The following SREK1 variants were observed in gnomAD, a reference collection of about 807,000 sequenced individuals.
SREK1 encodes splicing regulatory glutamic acid and lysine rich protein 1.
A neutral mutation model predicts 66.5 loss-of-function variants in SREK1; 13 were observed. The observed-to-expected ratio is 0.20, with a 90% CI of 0.13 to 0.31. The LOEUF is 0.31. Among genes scored for constraint, SREK1 ranks in the 10% least tolerant of loss-of-function variants. The pLI, the probability that SREK1 is intolerant of heterozygous loss-of-function variation, is 1.00. For missense variants in SREK1, 607 were observed against 769.6 expected (o/e 0.79, Z 2.50); for synonymous variants, 265 against 263.5 (o/e 1.01, Z -0.05).
chr5:66,162,192 G>A lies in SREK1; in HGVS notation c.495G>A (p.Gln165=). 6.2e-7 allele frequency: 1 copy of A among 1,614,066 alleles called. No homozygotes were observed. The highest frequency in any genetic ancestry group is 8.5e-7 in the Non-Finnish European group (1 of 1,179,976). The change falls in exon 4 of 12, where the codon CAG becomes CAA. Residue 165 remains glutamine (Q), a synonymous_variant. Transcript: ENST00000334121. ...PNIATLGEIP[Q]PPLMGNVDPS... is the part of the protein sequence containing the mutation. ...TTGCAACACTTGGAGAGATACCACAGCCACCACTTATGGGAAACGTGGATC... is the reference window on the plus strand; with the variant it reads ...TTGCAACACTTGGAGAGATACCACAACCACCACTTATGGGAAACGTGGATC...
intron 5 of SREK1, 147 bp from the exon 6 acceptor site, chr5:66,163,645 T>G: frequency 4.3e-6 from 3 of 689,996 alleles, no homozygotes; most frequent in Non-Finnish European, 6.6e-6. Context: ...ATCATGGTTT[T>G]GAGGTTGCTT....
intron 5 of SREK1, 182 bp from the exon 6 acceptor site, chr5:66,163,610 G>T: frequency 2.0e-6 from 1 of 502,712 alleles, no homozygotes; most frequent in Admixed American, 3.9e-5. Context: ...CGCAAGGAAT[G>T]ATAGGAAGTG....
intron 7 of SREK1, chr5:66,166,063 T>A (rs770151900): frequency 2.6e-5 from 4 of 152,326 alleles, no homozygotes; most frequent in Non-Finnish European, 4.4e-5. Flanking sequence ...TAAGACACTT[T>A]CAGAACCAAG....
chr5:66,162,014 TTGAG>T, intron 3 of SREK1, 91 bp from the exon 4 acceptor site: 1 of 1,421,742 alleles, frequency 7.0e-7, no homozygotes, highest in Non-Finnish European at 9.4e-7. Flanking sequence ...TTCATTCTTG[TTGAG>T]TTAGTTCATT....
intron 7 of SREK1, chr5:66,166,411 T>TA (rs1410109514): frequency 6.6e-6 from 1 of 152,204 alleles, no homozygotes; most frequent in East Asian, 1.9e-4. Flanking sequence ...TTTATGTAGA[T>TA]ATGTCTATAC....
At chr5:66,164,732 G>A in intron 6 of SREK1, 51 bp from the exon 7 acceptor site, 1 of 1,613,052 alleles carries the variant, frequency 6.2e-7, no homozygotes, top group Non-Finnish European at 8.5e-7. Flanking sequence ...TTATTAACTG[G>A]GATCTTTAAT....
intron 1 of SREK1, among the ~76,000 whole-genome samples, chr5:66,151,834 C>CCT (rs1743845070): frequency 1.2e-5 from 1 of 84,780 alleles, no homozygotes; most frequent in African/African-American, 4.2e-5. Flanking sequence ...GAGGTACATC[C>CCT]TTTTTTTTTT....
At chr5:66,170,540 G>A (rs1479959359) in intron 8 of SREK1, 45 bp from the exon 9 acceptor site, 1 of 1,553,838 alleles carries the variant, frequency 6.4e-7, no homozygotes, top group African/African-American at 1.4e-5. Flanking sequence ...TTTGGAGGAG[G>A]TAGAACTATT....
rs1272663648 is a variant in SREK1 at position 66,180,361 on chromosome 5, A to G, written c.*1493A>G. On this transcript the variant is annotated 3_prime_UTR_variant, in exon 12 of 12. Transcript: ENST00000334121. ...AGTTAAGTATAATTATTTTAATGCA[A>G]TCTAATACAATCAGATTACTCAGTT... 3 of 152,610 alleles carry G rather than the reference A, an allele frequency of 2.0e-5. No homozygotes were observed. Among genetic ancestry groups the G allele is most frequent in the Non-Finnish European group, 4.4e-5 (3 of 68,020 alleles). The allele number at this position is 152,610 out of a possible 1,614,324, so 9.5% of individuals were successfully genotyped here.
intron 1 of SREK1, among the ~76,000 whole-genome samples, chr5:66,149,647 A>G (rs1580616744): frequency 6.6e-6 from 1 of 152,240 alleles, no homozygotes; most frequent in Non-Finnish European, 1.5e-5. Flanking sequence ...ATTCCTTCAC[A>G]AAAGGATCCG....
At chr5:66,145,074 T>C in intron 1 of SREK1, 1 of 985,784 alleles carries the variant, frequency 1.0e-6, no homozygotes, top group African/African-American at 1.7e-5. Flanking sequence ...TTTTGGTTTA[T>C]CTAACCGAGC....
intron 11 of SREK1, among the ~76,000 whole-genome samples, 178 bp downstream of exon 11, chr5:66,177,836 A>G (rs1746185279): frequency 6.6e-6 from 1 of 152,106 alleles, no homozygotes; most frequent in Non-Finnish European, 1.5e-5. Context: ...TGAAGAGATA[A>G]GAGCCAATTA....
chr5:66,159,186 G>A, intron 2 of SREK1, 33 bp from the exon 3 acceptor site: 3 of 1,585,480 alleles, frequency 1.9e-6, no homozygotes, highest in Non-Finnish European at 2.6e-6. Context: ...TGGTGTTTCT[G>A]CTTTTTGTAA....
At position 66,170,454 on chromosome 5, in the gene SREK1, T is replaced by C. The variant is rs1745538395; in HGVS notation, c.1122-131T>C. 7 of 1,251,124 alleles carry C rather than the reference T, an allele frequency of 5.6e-6. No homozygotes were observed. The African/African-American group carries it at 7.5e-5, about 13-fold the overall frequency. 77.5% of individuals were successfully genotyped at this position (1,251,124 alleles called of 1,614,324 possible). A position where few individuals can be genotyped will look rare whatever the true frequency, so the allele number is the denominator to read the frequency against. Reference sequence around the variant, plus strand: ...CAGCTTCTTGTACACCTGAGCTATATAAAAATGTATATGTAAATGTCTGTA... The same window carrying C: ...CAGCTTCTTGTACACCTGAGCTATACAAAAATGTATATGTAAATGTCTGTA... On this transcript the variant is annotated intron_variant, in intron 8 of 11. Transcript: ENST00000334121.
At chr5:66,172,849 T>TA (rs1554077944) in intron 9 of SREK1, among the ~76,000 whole-genome samples, 5 of 147,500 alleles carry the variant, frequency 3.4e-5, no homozygotes, top group African/African-American at 1.0e-4. Flanking sequence ...TTTTTTTTTT[T>TA]AGACAGAGTG....
rs566966402 is a variant in SREK1 at position 66,174,695 on chromosome 5, G to A, written c.1485-251G>A. ...TTGTTCAAATAAACGAGGTGAAAAG[G>A]AGGAGGTCTTCTACTCTTCCTAATA... On this transcript the variant is annotated intron_variant, in intron 9 of 11. Coordinates refer to ENST00000334121, the MANE Select transcript of SREK1 (RefSeq NM_001077199.3). 7.8e-5 allele frequency: 23 copies of A among 295,784 alleles called. No individual in the cohort carries two copies. The South Asian group carries it at 2.3e-3, about 30-fold the overall frequency. The allele number at this position is 295,784 out of a possible 1,614,324, so 18.3% of individuals were successfully genotyped here.
At chr5:66,165,430 C>A (rs1745091609) in intron 7 of SREK1, 1 of 152,744 alleles carries the variant, frequency 6.5e-6, no homozygotes, top group East Asian at 1.9e-4. Flanking sequence ...CACTTTTGGA[C>A]CTGAAACACA....
intron 2 of SREK1, among the ~76,000 whole-genome samples, chr5:66,155,372 A>T (rs1055323369): frequency 6.6e-6 from 1 of 152,228 alleles, no homozygotes; most frequent in Non-Finnish European, 1.5e-5. Context: ...ACATTCAGAT[A>T]TACGTTTTTC....
Position 66,179,893 on chromosome 5 carries a change from T to TA in SREK1, c.*1026dup. ...TAAGTGATATGTCAGAAGAGCTTCT[T>TA]ACTGATTTCACCTAAAATGAGAAGG... On this transcript the variant is annotated 3_prime_UTR_variant, in exon 12 of 12. Coordinates refer to ENST00000334121, the MANE Select transcript of SREK1 (RefSeq NM_001077199.3). The TA allele has an allele frequency of 6.5e-6, 1 of 152,702 alleles. No individual in the cohort carries two copies. The highest frequency in any genetic ancestry group is 1.5e-5 in the Non-Finnish European group (1 of 67,984). 9.5% of individuals were successfully genotyped at this position (152,702 alleles called of 1,614,324 possible). A position where few individuals can be genotyped will look rare whatever the true frequency, so the allele number is the denominator to read the frequency against.
Sources: allele counts gnomAD v4.1 joint callset (sites outside exome capture counted in the v4.1 genomes callset), GRCh38; gene constraint gnomAD v4.1.1; transcripts MANE v1.5; gene names NCBI Gene and HGNC (gene_info 2026-07-23, HGNC 2026-07-21).